LIMS2: variants seen among roughly 807,000 people sequenced by gnomAD.
LIMS2 encodes LIM zinc finger domain containing 2.
LIMS2 carries 30 observed loss-of-function variants against 45.3 expected under a neutral mutation model. The observed-to-expected ratio is 0.66, with a 90% CI of 0.50 to 0.90. LIMS2 has a LOEUF of 0.90. Ranked by LOEUF, LIMS2 falls within the 40% of genes least tolerant of loss-of-function variation. The pLI, the probability that LIMS2 is intolerant of heterozygous loss-of-function variation, is 0.00. For missense variants in LIMS2, 485 were observed against 468.7 expected, an observed-to-expected ratio of 1.03 and a Z score of -0.32; for synonymous variants, 173 against 188.0, an observed-to-expected ratio of 0.92 and a Z score of 0.65.
Position 127,675,169 on chromosome 2 carries a change from G to T in LIMS2, c.-145C>A. 1.9e-6 allele frequency: 1 copy of T among 533,508 alleles called. No individual in the cohort carries two copies. Among genetic ancestry groups the T allele is most frequent in the South Asian group, 8.4e-5 (1 of 11,876 alleles). 33.0% of individuals were successfully genotyped at this position (533,508 alleles called of 1,614,324 possible). On this transcript the variant is annotated 5_prime_UTR_variant, in exon 1 of 10. Transcript: ENST00000355119. ...AAAGGCCAAGAGCCGCTCCGCCCGC[G>T]AGAGGGGTGGGCGGGGGTGGCAGGG...
intron 4 of LIMS2, chr2:127,651,073 T>A (rs745461049): frequency 1.4e-5 from 23 of 1,613,586 alleles, no homozygotes; most frequent in Non-Finnish European, 1.9e-5. Flanking sequence ...CTCTTCTACC[T>A]CAACATGTAC....
At chr2:127,639,552 G>T (rs1682187563) in intron 9 of LIMS2, 124 bp from the exon 10 acceptor site, 8 of 1,224,404 alleles carry the variant, frequency 6.5e-6, no homozygotes, top group Middle Eastern at 2.0e-4. Context: ...TAGCCAGCAG[G>T]CCAGGCCCTA....
At position 127,653,653 on chromosome 2, in the gene LIMS2, C is replaced by T. The variant is rs115562720; in HGVS notation, c.359+771G>A. 8.0e-4 allele frequency among the ~76,000 whole-genome samples: 121 copies of T among 152,096 alleles called. No homozygotes were observed. The highest frequency in any genetic ancestry group is 2.6e-3 in the African/African-American group (107 of 41,472). The stretch of plus-strand genomic sequence containing the variant: ...GCAGAACCACAGGAACTCAGGGTCC[C>T]GGGTGCCAGAAGGGGGGCGTTTCTG... On this transcript the variant is annotated intron_variant, in intron 4 of 9. Coordinates refer to ENST00000355119, the MANE Select transcript of LIMS2 (RefSeq NM_001161403.3). This position sits in a 1 kb window ranked among gnomAD's most constrained non-coding sequence, Gnocchi z 5.3.
intron 9 of LIMS2, 141 bp from the exon 10 acceptor site, chr2:127,639,569 G>A (rs994417929): frequency 1.1e-5 from 11 of 975,786 alleles, no homozygotes; most frequent in Non-Finnish European, 1.7e-5. Context: ...CCTAGGGTGA[G>A]ATGGCCAGAG....
In LIMS2 at chr2:127,657,448, C is replaced by T. The variant is rs1054047222; in HGVS notation, c.126G>A (p.Val42=). 6.2e-7 allele frequency: 1 copy of T among 1,613,900 alleles called. No individual in the cohort carries two copies. The highest frequency in any genetic ancestry group is 1.3e-5 in the African/African-American group (1 of 75,058). Residue 42 remains valine (V), a synonymous_variant, in exon 2 of 10, where the codon GTG becomes GTA. Coordinates refer to ENST00000355119, the MANE Select transcript of LIMS2 (RefSeq NM_001161403.3). ...NGELYHEHCF[V]CAQCFRPFPE... is the part of the protein sequence containing the mutation. ...GGAAGGGCCGGAAGCACTGGGCACA[C>T]ACGAAGCAGTGCTCATGGTACAGCT... is the stretch of plus-strand genomic sequence containing the variant.
At chr2:127,651,560 G>T in intron 4 of LIMS2, 1 of 1,612,666 alleles carries the variant, frequency 6.2e-7, no homozygotes, top group Non-Finnish European at 8.5e-7. Context: ...AGCGCATCCT[G>T]GCCCTGGCAA....
chr2:127,668,702 A>AAAAAAAAAAC (rs1558901495), intron 1 of LIMS2, among the ~76,000 whole-genome samples: 1 of 105,660 alleles, frequency 9.5e-6, no homozygotes, highest in African/African-American at 3.7e-5. Context: ...AAAAAAAAAA[A>AAAAAAAAAAC]AAAAAAAAAC....
Position 127,639,671 on chromosome 2 carries a change from C to G in LIMS2, c.879-243G>C, listed in dbSNP as rs113712311. ...CCCCAGAACCCTCTATGCCTCCCCA[C>G]AGCCCTTGGAAACCTGGACGCCATC... On this transcript the variant is annotated intron_variant, in intron 9 of 9. Transcript: ENST00000355119. Among the ~76,000 whole-genome samples, 1,395 of 152,298 alleles carry G rather than the reference C, an allele frequency of 9.2e-3. 20 individuals are homozygous for G. Among genetic ancestry groups the G allele is most frequent in the African/African-American group, 0.03 (1,260 of 41,554 alleles).
chr2:127,648,926 GA>G (rs1439865485), intron 4 of LIMS2, among the ~76,000 whole-genome samples: 3 of 110,084 alleles, frequency 2.7e-5, no homozygotes, highest in Admixed American at 2.0e-4. Context: ...AAAAGAGAAA[GA>G]AAAAAAGAAA....
intron 4 of LIMS2, chr2:127,644,026 T>G: frequency 2.2e-6 from 1 of 456,258 alleles, no homozygotes; most frequent in Non-Finnish European, 4.4e-6. Context: ...AGACCCCAGA[T>G]GCCAGGGCCA....
intron 2 of LIMS2, chr2:127,655,737 C>T (rs13426503): frequency 0.32 from 48,140 of 152,164 alleles, 7,984 homozygotes; most frequent in Middle Eastern, 0.43. Context: ...AGACAGCATT[C>T]CTCAGGAGGC....
chr2:127,673,844 A>G (rs1319458316), intron 1 of LIMS2: 1 of 1,031,404 alleles, frequency 9.7e-7, no homozygotes, highest in Non-Finnish European at 1.5e-6. Context: ...ACAGGCAGCC[A>G]GTGGGCCTGC....
chr2:127,664,377 C>A lies in LIMS2; in HGVS notation c.12-6815G>T. 3 of 1,212,278 alleles carry A rather than the reference C, an allele frequency of 2.5e-6. No individual in the cohort carries two copies. Among genetic ancestry groups the A allele is most frequent in the Non-Finnish European group, 3.1e-6 (3 of 975,536 alleles). 75.1% of individuals were successfully genotyped at this position (1,212,278 alleles called of 1,614,324 possible). On this transcript the variant is annotated intron_variant, in intron 1 of 9. Transcript: ENST00000355119. This position sits in a 1 kb window ranked among gnomAD's most constrained non-coding sequence, Gnocchi z 5.5. ...GCCCCGACGCGGCCAGCGCACCCAG[C>A]CGGGCCGCCATGGCGCGGGGCAGCC... is the stretch of plus-strand genomic sequence containing the variant.
rs1002635392 is a variant in LIMS2, at chr2:127,654,285, G to A, written c.359+139C>T. On this transcript the variant is annotated intron_variant, in intron 4 of 9. Coordinates refer to ENST00000355119, the MANE Select transcript of LIMS2 (RefSeq NM_001161403.3). ...TATCCGCCCCGGGGTGACCTGGAGGGAGGGCAGCTACATCAGTGCAGGCTG... is the reference window on the plus strand; with the variant it reads ...TATCCGCCCCGGGGTGACCTGGAGGAAGGGCAGCTACATCAGTGCAGGCTG... The A allele has an allele frequency of 3.4e-6, 4 of 1,178,596 alleles. No homozygotes were observed. The South Asian group carries it at 4.2e-5, about 12-fold the overall frequency. The allele number at this position is 1,178,596 out of a possible 1,614,324, so 73.0% of individuals were successfully genotyped here. A position where few individuals can be genotyped will look rare whatever the true frequency, so the allele number is the denominator to read the frequency against.
chr2:127,654,679 T>C (rs754712889), intron 3 of LIMS2, 135 bp from the exon 4 acceptor site: 41 of 1,498,710 alleles, frequency 2.7e-5, no homozygotes, highest in Admixed American at 1.6e-4. Flanking sequence ...TGGTGATGCC[T>C]GTAGGGGGCC....
chr2:127,645,599 T>C (rs1016746455), intron 4 of LIMS2, among the ~76,000 whole-genome samples: 7 of 152,236 alleles, frequency 4.6e-5, no homozygotes, highest in African/African-American at 1.7e-4. Flanking sequence ...ATGAGGCTCC[T>C]GCAGCTGTTC....
In LIMS2 at chr2:127,667,101, G is replaced by A. The variant is rs1233029691; in HGVS notation, c.11+7913C>T. Reference sequence around the variant, plus strand: ...GCTTCACTGATGAATTATATCAAAGGTTTAACTAGAATTAACACCAAACCT... The same window carrying A: ...GCTTCACTGATGAATTATATCAAAGATTTAACTAGAATTAACACCAAACCT... On this transcript the variant is annotated intron_variant, in intron 1 of 9. Coordinates refer to ENST00000355119, the MANE Select transcript of LIMS2 (RefSeq NM_001161403.3). This position sits in a 1 kb window ranked among gnomAD's most constrained non-coding sequence, Gnocchi z 4.1. 6.6e-6 allele frequency among the ~76,000 whole-genome samples: 1 copy of A among 152,198 alleles called. No homozygotes were observed. The highest frequency in any genetic ancestry group is 2.4e-5 in the African/African-American group (1 of 41,450).
At chr2:127,670,672 T>C (rs758640965) in intron 1 of LIMS2, among the ~76,000 whole-genome samples, 7 of 152,226 alleles carry the variant, frequency 4.6e-5, no homozygotes, top group Non-Finnish European at 5.9e-5. Flanking sequence ...TAATGAAGAA[T>C]GCAACTACAT....
At chr2:127,652,250 G>A (rs1683887673) in intron 4 of LIMS2, 1 of 179,052 alleles carries the variant, frequency 5.6e-6, no homozygotes, top group Admixed American at 5.6e-5. Context: ...GCCTCTGCCA[G>A]ACACACACTG....
Sources: gnomAD v4.1 joint callset for allele counts (sites outside exome capture counted in the v4.1 genomes callset) on GRCh38, gnomAD v4.1.1 for gene constraint, Gnocchi (gnomAD v3.1) non-coding constraint, MANE v1.5 for transcripts, NCBI Gene and HGNC (gene_info 2026-07-23, HGNC 2026-07-21) for gene names.